Variants in DCC observed in about 807,000 individuals in gnomAD.
The protein encoded by DCC is DCC netrin 1 receptor, also known as netrin receptor DCC.
Under a neutral mutation model 172.5 loss-of-function variants are expected in DCC, and 58 were observed. That is an observed-to-expected ratio of 0.34 (90% CI 0.27 to 0.42). The LOEUF (loss-of-function observed/expected upper bound fraction) is 0.42. Among genes scored for constraint, DCC ranks in the 10% least tolerant of loss-of-function variants. The probability of loss-of-function intolerance (pLI) is 1.00; values close to 1 mark genes in which losing one functional copy is unlikely to be tolerated. For synonymous variants in DCC, 709 were observed against 644.5 expected (o/e 1.10, Z -1.52); for missense variants, 1,740 against 1,791.0 (o/e 0.97, Z 0.51).
At chr18:53,076,407 C>A (rs1267967143) in intron 7 of DCC, among the ~76,000 whole-genome samples, 2 of 152,084 alleles carry the variant, frequency 1.3e-5, no homozygotes, top group African/African-American at 4.8e-5. Flanking sequence ...ATATACTAGA[C>A]CCTAGAAAAA....
At chr18:52,448,958 T>G (rs1411223711) in intron 1 of DCC, among the ~76,000 whole-genome samples, 1 of 152,260 alleles carries the variant, frequency 6.6e-6, no homozygotes, top group Non-Finnish European at 1.5e-5. Context: ...TAGTTCATTC[T>G]CATGCTGCTG....
At chr18:53,132,348 G>C (rs1211082611) in intron 7 of DCC, among the ~76,000 whole-genome samples, 1 of 152,074 alleles carries the variant, frequency 6.6e-6, no homozygotes, top group Admixed American at 6.6e-5. Context: ...AGTTGAGCAT[G>C]ATGAGTCGAC....
At position 53,532,257 on chromosome 18, in the gene DCC, T is replaced by C. The variant is rs995545490; in HGVS notation, c.*1604T>C. On this transcript the variant is annotated 3_prime_UTR_variant, in exon 29 of 29. Coordinates refer to ENST00000442544, the MANE Select transcript of DCC (RefSeq NM_005215.4). ...CTTTTATTAGGTGGGTAATTATATATGAATCCCTGAATAAAATATTTTGAG... is the reference window on the plus strand; with the variant it reads ...CTTTTATTAGGTGGGTAATTATATACGAATCCCTGAATAAAATATTTTGAG... 1.3e-5 allele frequency: 2 copies of C among 152,190 alleles called. No homozygotes were observed. Among genetic ancestry groups the C allele is most frequent in the African/African-American group, 4.8e-5 (2 of 41,450 alleles). The allele number at this position is 152,190 out of a possible 1,614,324, so 9.4% of individuals were successfully genotyped here. A position where few individuals can be genotyped will look rare whatever the true frequency, so the allele number is the denominator to read the frequency against.
chr18:53,232,953 GTAT>G (rs1289563577), intron 12 of DCC, among the ~76,000 whole-genome samples: 1 of 148,662 alleles, frequency 6.7e-6, no homozygotes, highest in Non-Finnish European at 1.5e-5. Context: ...TTTTCCCCAG[GTAT>G]TATTATTCTT....
intron 1 of DCC, among the ~76,000 whole-genome samples, chr18:52,449,815 A>G (rs917956233): frequency 6.6e-6 from 1 of 152,186 alleles, no homozygotes; most frequent in Non-Finnish European, 1.5e-5. Flanking sequence ...TATAAAGGGC[A>G]GTTCCCCTGC....
At chr18:52,862,094 TAAC>T (rs1326359942) in intron 2 of DCC, among the ~76,000 whole-genome samples, 13 of 152,162 alleles carry the variant, frequency 8.5e-5, no homozygotes, top group Admixed American at 2.6e-4. Context: ...AACACATTAA[TAAC>T]ATGTTTATAG....
At chr18:53,526,472 CA>C in intron 27 of DCC, 144 bp from the exon 28 acceptor site, 1 of 874,712 alleles carries the variant, frequency 1.1e-6, no homozygotes, top group Non-Finnish European at 1.9e-6. Context: ...CGAGCCCACT[CA>C]TTGTGTCAGA....
intron 1 of DCC, among the ~76,000 whole-genome samples, chr18:52,684,257 T>C (rs1203758275): frequency 1.3e-5 from 2 of 152,092 alleles, no homozygotes; most frequent in Non-Finnish European, 2.9e-5. Context: ...AACACATGCA[T>C]TGAAGCAGTG....
At chr18:52,850,379 C>CT (rs1321824520) in intron 2 of DCC, among the ~76,000 whole-genome samples, 2 of 152,130 alleles carry the variant, frequency 1.3e-5, no homozygotes, top group African/African-American at 4.8e-5. Flanking sequence ...ATTGAAGTCT[C>CT]TCCCCCAACT....
intron 1 of DCC, among the ~76,000 whole-genome samples, chr18:52,390,582 C>G (rs1013217675): frequency 9.9e-5 from 15 of 152,038 alleles, no homozygotes; most frequent in African/African-American, 3.6e-4. Flanking sequence ...GAATGGCTTC[C>G]ACCTTTTATG....
At chr18:52,980,032 G>T (rs2041182896) in intron 5 of DCC, among the ~76,000 whole-genome samples, 1 of 152,164 alleles carries the variant, frequency 6.6e-6, no homozygotes, top group Non-Finnish European at 1.5e-5. Flanking sequence ...CGGCTTTCGT[G>T]TTCAATCACT....
intron 1 of DCC, among the ~76,000 whole-genome samples, chr18:52,494,540 G>A (rs1181645672): frequency 6.6e-6 from 1 of 151,628 alleles, no homozygotes; most frequent in African/African-American, 2.4e-5. Context: ...TTAATGACTG[G>A]GCTTTTTTAT....
chr18:52,908,119 G>C (rs372466591), intron 3 of DCC, among the ~76,000 whole-genome samples: 1 of 152,128 alleles, frequency 6.6e-6, no homozygotes, highest in African/African-American at 2.4e-5. Flanking sequence ...TGTTGGCTTC[G>C]GTCTCTGCGC....
At chr18:52,637,756 G>C (rs541332827) in intron 1 of DCC, among the ~76,000 whole-genome samples, 8 of 152,292 alleles carry the variant, frequency 5.3e-5, no homozygotes, top group Middle Eastern at 3.4e-3. Flanking sequence ...GGGAATAATA[G>C]AGGAAAACTT....
intron 1 of DCC, among the ~76,000 whole-genome samples, chr18:52,522,554 A>G (rs55711194): frequency 1.2e-4 from 18 of 152,280 alleles, no homozygotes; most frequent in Non-Finnish European, 2.4e-4. Context: ...ATATTGCGTT[A>G]TTTACTTATA....
intron 5 of DCC, among the ~76,000 whole-genome samples, chr18:52,948,521 A>C (rs751131352): frequency 6.6e-6 from 1 of 152,220 alleles, no homozygotes; most frequent in African/African-American, 2.4e-5. Flanking sequence ...ACAACCCAGT[A>C]TACATCTGTC....
chr18:53,080,255 A>G (rs1050629349), intron 7 of DCC, among the ~76,000 whole-genome samples: 2 of 152,082 alleles, frequency 1.3e-5, no homozygotes, highest in African/African-American at 4.8e-5. Flanking sequence ...TTCTTGACTT[A>G]ACTGAATGGA....
chr18:52,857,073 A>T (rs1300600282), intron 2 of DCC, among the ~76,000 whole-genome samples: 1 of 152,164 alleles, frequency 6.6e-6, no homozygotes, highest in Non-Finnish European at 1.5e-5. Flanking sequence ...TGTTTAACTG[A>T]TCCATCACCA....
Position 53,198,365 on chromosome 18 carries a change from A to AG in DCC, c.1574-6850dup, listed in dbSNP as rs1467558359. Among the ~76,000 whole-genome samples, 3 of 152,064 alleles carry AG rather than the reference A, an allele frequency of 2.0e-5. No homozygotes were observed. In the East Asian group the frequency reaches 5.8e-4, roughly 29 times the overall value. ...AATGACAGGTTTCTATCATAGGTAG[A>AG]GTAGGGATAAAAAACCACACATCCT... On this transcript the variant is annotated intron_variant, in intron 9 of 28. Transcript: ENST00000442544.
Sources: gnomAD v4.1 joint callset for allele counts (sites outside exome capture counted in the v4.1 genomes callset) on GRCh38, gnomAD v4.1.1 for gene constraint, MANE v1.5 for transcripts, NCBI Gene and HGNC (gene_info 2026-07-23, HGNC 2026-07-21) for gene names.